ULK2: variants seen among roughly 807,000 people sequenced by gnomAD.
ULK2 encodes the protein unc-51 like autophagy activating kinase 2.
Under a neutral mutation model 127.5 loss-of-function variants are expected in ULK2, and 76 were observed. The observed-to-expected ratio is 0.60, with a 90% CI of 0.50 to 0.72. The LOEUF is 0.72. ULK2 is among the 30% of genes least tolerant of loss of function. The probability of loss-of-function intolerance (pLI) is 0.00; values close to 1 mark genes in which losing one functional copy is unlikely to be tolerated. For missense variants in ULK2, 1,144 were observed against 1,295.9 expected (o/e 0.88, Z 1.80); for synonymous variants, 452 against 461.9 (o/e 0.98, Z 0.28).
intron 7 of ULK2, among the ~76,000 whole-genome samples, chr17:19,843,653 A>G (rs1216984272): frequency 7.0e-6 from 1 of 143,536 alleles, no homozygotes; most frequent in Admixed American, 7.0e-5. Flanking sequence ...TCTCCAAAAT[A>G]TTTTTTCTTT....
intron 9 of ULK2, chr17:19,840,583 A>AG: frequency 4.0e-6 from 1 of 250,348 alleles, no homozygotes; most frequent in Non-Finnish European, 7.8e-6. Context: ...AAAAAAAAAA[A>AG]AGCATACAGT....
intron 18 of ULK2, 63 bp from the exon 19 acceptor site, chr17:19,796,345 T>C (rs1169242494): frequency 7.1e-6 from 10 of 1,409,042 alleles, no homozygotes; most frequent in Non-Finnish European, 8.4e-6. Context: ...AACTATTCAG[T>C]ACTGGCAGGT....
Position 19,867,381 on chromosome 17 carries a change from C to G in ULK2, c.37G>C (p.Asp13His), listed in dbSNP as rs1283059379. 8.1e-6 allele frequency: 13 copies of G among 1,603,752 alleles called. No homozygotes were observed. The highest frequency in any genetic ancestry group is 1.0e-5 in the Non-Finnish European group (12 of 1,176,190). Residue 13 changes from aspartate to histidine, a missense_variant, in exon 1 of 27, where the codon GAT (aspartate) becomes CAT (histidine). Around this residue, in one of 2 missense-constraint regions of ULK2, gnomAD observed 231 missense variants for 325.4 expected, o/e 0.71. Transcript: ENST00000395544. ...VVGDFEYSKR[D>H]LVGHGAFAVV... ...GCGAAGGCCCCGTGTCCCACGAGAT[C>G]CCTCTTGCTGTACTCGAAGTCACCC...
chr17:19,825,488 T>C (rs961562067), intron 11 of ULK2, among the ~76,000 whole-genome samples: 3 of 152,144 alleles, frequency 2.0e-5, no homozygotes, highest in Non-Finnish European at 4.4e-5. Flanking sequence ...GGCAGGAGGA[T>C]CACTTGAGGT....
chr17:19,790,211 G>C (rs1469706121), intron 20 of ULK2, among the ~76,000 whole-genome samples: 1 of 152,144 alleles, frequency 6.6e-6, no homozygotes, highest in Non-Finnish European at 1.5e-5. Context: ...GAGGACAGGA[G>C]TTCGAGACTA....
rs1418030471 is a variant in ULK2, at chr17:19,781,973, T to A, written c.2555A>T (p.Glu852Val). ...CAAGGACACAGCAGATGTGCACAGCTCAGGGTTTCCTCCCCTCATGGCTGT... is the reference window on the plus strand; with the variant it reads ...CAAGGACACAGCAGATGTGCACAGCACAGGGTTTCCTCCCCTCATGGCTGT... ...DLTAMRGGNP[E>V]LCTSAVSLYQ... The change falls in exon 23 of 27, where the codon GAG (glutamate) becomes GTG (valine). Residue 852 changes from glutamate (E) to valine (V), a missense_variant. Glu to Val is a moderately radical substitution (Grantham distance 121). Around this residue, in one of 2 missense-constraint regions of ULK2, gnomAD observed 913 missense variants for 970.5 expected, o/e 0.94. Coordinates refer to ENST00000395544, the MANE Select transcript of ULK2 (RefSeq NM_014683.4). 3.1e-6 allele frequency: 5 copies of A among 1,614,218 alleles called. No homozygotes were observed. In the South Asian group the frequency reaches 5.5e-5, roughly 18 times the overall value.
chr17:19,841,545 G>T lies in ULK2; in HGVS notation c.648C>A (p.Ala216=). 6.4e-7 allele frequency: 1 copy of T among 1,569,986 alleles called. No homozygotes were observed. The change falls in exon 9 of 27, where the codon GCC becomes GCA. Residue 216 remains alanine, a splice_region_variant and synonymous_variant. Transcript: ENST00000395544. The stretch of plus-strand genomic sequence containing the variant: ...ACATCCTTAAGTCTTGAGGACTATT[G>T]GCCTATTAAAAAAAAAAAGGTTTAA... ...QCLVGKPPFQ[A]NSPQDLRMFY...
Position 19,849,764 on chromosome 17 carries a change from T to C in ULK2, c.236A>G (p.Asn79Ser), listed in dbSNP as rs771460978. The C allele has an allele frequency of 6.5e-7, 1 of 1,545,308 alleles. No homozygotes were observed. Among genetic ancestry groups the C allele is most frequent in the Non-Finnish European group, 8.8e-7 (1 of 1,142,378 alleles). ...VALYDVQELPNSVFLVMEYCN... is the reference protein window; with the variant it reads ...VALYDVQELPSSVFLVMEYCN... ...TACCTCCATCACCAAAAAGACAGAG[T>C]TGGGTAATTCCTGAAAAGTAAACAT... The change falls in exon 4 of 27, where the codon AAC (asparagine) becomes AGC (serine). Residue 79 changes from asparagine (N) to serine (S), a missense_variant. Asn to Ser is a conservative substitution (Grantham distance 46). Around this residue, in one of 2 missense-constraint regions of ULK2, gnomAD observed 231 missense variants for 325.4 expected, o/e 0.71. Transcript: ENST00000395544.
chr17:19,798,530 T>TA (rs2087324497), intron 17 of ULK2, among the ~76,000 whole-genome samples: 1 of 152,214 alleles, frequency 6.6e-6, no homozygotes, highest in South Asian at 2.1e-4. Flanking sequence ...ATCATTCTTC[T>TA]AAAAACAGAA....
chr17:19,787,038 C>T (rs1392585529), intron 20 of ULK2, among the ~76,000 whole-genome samples: 2 of 147,452 alleles, frequency 1.4e-5, no homozygotes, highest in Non-Finnish European at 3.0e-5. Flanking sequence ...CTCACTCTGT[C>T]GCCAGGCTGG....
chr17:19,816,663 A>G, intron 13 of ULK2, 86 bp downstream of exon 13: 1 of 1,236,976 alleles, frequency 8.1e-7, no homozygotes, highest in South Asian at 2.4e-5. Flanking sequence ...TGCCCTACAC[A>G]AGAAAGTGTA....
intron 2 of ULK2, 40 bp from the exon 3 acceptor site, chr17:19,864,884 T>G (rs2042320197): frequency 1.0e-6 from 1 of 983,908 alleles, no homozygotes; most frequent in Non-Finnish European, 1.4e-6. Flanking sequence ...GTAAGTATTC[T>G]AATGACTTTA....
At chr17:19,827,222 A>G (rs1264558694) in intron 10 of ULK2, among the ~76,000 whole-genome samples, 11 of 152,222 alleles carry the variant, frequency 7.2e-5, no homozygotes, top group African/African-American at 1.4e-4. Flanking sequence ...TGAGTATTCA[A>G]CATTCACTAA....
At chr17:19,814,452 T>A (rs149208127) in intron 13 of ULK2, among the ~76,000 whole-genome samples, 170 of 10,126 alleles carry the variant, frequency 0.017, 8 homozygotes, top group African/African-American at 0.049. Flanking sequence ...TTTTTTTTTT[T>A]TTTTTTTTTT....
In ULK2 at chr17:19,777,659, A is replaced by G; in HGVS notation, c.2974T>C (p.Tyr992His). 6.2e-7 allele frequency: 1 copy of G among 1,614,184 alleles called. No individual in the cohort carries two copies. Among genetic ancestry groups the G allele is most frequent in the Non-Finnish European group, 8.5e-7 (1 of 1,180,036 alleles). ...FQQTEDIVYRYHKAALLLEGL... is the reference protein window; with the variant it reads ...FQQTEDIVYRHHKAALLLEGL... ...TCCAAAAGAAGGGCTGCCTTATGAT[A>G]GCGATAAACAATATCTTCGGTCTGC... The change falls in exon 26 of 27, where the codon TAT becomes CAT. Residue 992 changes from tyrosine to histidine, a missense_variant. By Grantham distance (83) the Tyr-to-His change is moderately conservative. Around this residue, in one of 2 missense-constraint regions of ULK2, gnomAD observed 913 missense variants for 970.5 expected, o/e 0.94. Coordinates refer to ENST00000395544, the MANE Select transcript of ULK2 (RefSeq NM_014683.4).
chr17:19,863,162 C>T (rs2152403561), intron 3 of ULK2, among the ~76,000 whole-genome samples: 1 of 151,954 alleles, frequency 6.6e-6, no homozygotes, highest in African/African-American at 2.4e-5. Flanking sequence ...TTGCAGTGAG[C>T]CAAGCTCACA....
At chr17:19,842,190 C>CTTTTTTTTTTT (rs869294657) in intron 8 of ULK2, among the ~76,000 whole-genome samples, 10 of 88,396 alleles carry the variant, frequency 1.1e-4, no homozygotes, top group African/African-American at 1.7e-4. Flanking sequence ...TTTTCTTTTT[C>CTTTTTTTTTTT]TTTTTTTTTT....
At chr17:19,799,666 G>T in intron 16 of ULK2, 91 bp from the exon 17 acceptor site, 2 of 1,277,368 alleles carry the variant, frequency 1.6e-6, no homozygotes, top group Non-Finnish European at 2.1e-6. Flanking sequence ...TGCACAAATT[G>T]CACAGTAAAC....
chr17:19,796,411 T>G, intron 18 of ULK2, 129 bp from the exon 19 acceptor site: 1 of 876,920 alleles, frequency 1.1e-6, no homozygotes, highest in Non-Finnish European at 1.6e-6. Flanking sequence ...GTGGGAAAAA[T>G]TGTAGAAAGA....
Sources: allele counts gnomAD v4.1 joint callset (sites outside exome capture counted in the v4.1 genomes callset), GRCh38; gene constraint gnomAD v4.1.1; regional missense constraint gnomAD v4.1.1; transcripts MANE v1.5; gene names NCBI Gene and HGNC (gene_info 2026-07-23, HGNC 2026-07-21).